Variants in LAMA3 observed in about 807,000 individuals in gnomAD.
LAMA3 encodes the protein laminin subunit alpha-3.
LAMA3 carries 281 observed loss-of-function variants against 402.0 expected under a neutral mutation model. That is an observed-to-expected ratio of 0.70 (90% CI 0.63 to 0.77). The LOEUF (loss-of-function observed/expected upper bound fraction) is 0.77, where lower values mean the gene tolerates loss of function less well. LAMA3 is among the 30% of genes least tolerant of loss of function. The pLI is 0.00. For missense variants in LAMA3, 3,840 were observed against 4,215.5 expected (o/e 0.91, Z 2.47); for synonymous variants, 1,431 against 1,558.4 (o/e 0.92, Z 1.93).
intron 7 of LAMA3, among the ~76,000 whole-genome samples, chr18:23,761,214 C>G (rs1384462922): frequency 6.6e-6 from 1 of 152,026 alleles, no homozygotes; most frequent in African/African-American, 2.4e-5. Flanking sequence ...AGTTTTGTTC[C>G]AAGTGTTTGT....
chr18:23,842,270 T>C, intron 27 of LAMA3, 125 bp from the exon 28 acceptor site: 1 of 1,227,596 alleles, frequency 8.1e-7, no homozygotes, highest in Non-Finnish European at 1.2e-6. Context: ...TGGGTTGTCA[T>C]TTCACTTTGG....
At chr18:23,699,777 T>C (rs2060757869) in intron 1 of LAMA3, among the ~76,000 whole-genome samples, 1 of 152,154 alleles carries the variant, frequency 6.6e-6, no homozygotes, top group Non-Finnish European at 1.5e-5. Context: ...AGACTCCATC[T>C]TGAGTGACAG....
chr18:23,861,270 T>A (rs2064212943), intron 34 of LAMA3, among the ~76,000 whole-genome samples: 1 of 152,204 alleles, frequency 6.6e-6, no homozygotes. Flanking sequence ...AGCAGGCCAC[T>A]GAATTCCACA....
At chr18:23,851,958 A>T (rs1421710353) in intron 32 of LAMA3, among the ~76,000 whole-genome samples, 1 of 109,424 alleles carries the variant, frequency 9.1e-6, no homozygotes, top group Non-Finnish European at 1.6e-5. Context: ...CCTTTGGGTT[A>T]AAAAAAAAAA....
At position 23,920,854 on chromosome 18, in the gene LAMA3, T is replaced by C. The variant is rs910795891; in HGVS notation, c.7924-81T>C. 6.4e-6 allele frequency: 10 copies of C among 1,552,512 alleles called. No homozygotes were observed. The Admixed American group carries it at 1.7e-4, about 26-fold the overall frequency. ...AGCTGAAGCTGAGAGCAGGGGGGTC[T>C]GTGAGAGTAACGGGAGTTCCAGTGC... On this transcript the variant is annotated intron_variant, in intron 60 of 74. Transcript: ENST00000313654.
chr18:23,690,026 G>A, intron 1 of LAMA3, 49 bp downstream of exon 1: 1 of 1,327,084 alleles, frequency 7.5e-7, no homozygotes. Flanking sequence ...TCCTTCCCGC[G>A]CCGGCCAGAC....
intron 66 of LAMA3, chr18:23,932,531 A>C: frequency 2.3e-6 from 1 of 440,072 alleles, no homozygotes. Flanking sequence ...AAAAGACCTA[A>C]TTAAAATTAA....
rs766820551 is a variant in LAMA3, at chr18:23,713,885, C to CA, written c.295-29dup. The stretch of plus-strand genomic sequence containing the variant: ...TACTTGAAAGTAAAAAAATAAAAAA[C>CA]AAAAAACAAAAAAAACCCACTTTTT... On this transcript the variant is annotated intron_variant, in intron 1 of 74. Coordinates refer to ENST00000313654, the MANE Select transcript of LAMA3 (RefSeq NM_198129.4). The CA allele has an allele frequency of 6.3e-6, 10 of 1,592,370 alleles. No individual in the cohort carries two copies. The African/African-American group carries it at 1.2e-4, about 20-fold the overall frequency.
At chr18:23,750,838 G>C in intron 4 of LAMA3, 80 bp from the exon 5 acceptor site, 2 of 1,480,266 alleles carry the variant, frequency 1.4e-6, no homozygotes, top group Non-Finnish European at 1.9e-6. Flanking sequence ...CTTGGGGCAT[G>C]TGAGTTATTT....
chr18:23,868,090 C>A (rs932099191), intron 37 of LAMA3, among the ~76,000 whole-genome samples, 173 bp downstream of exon 37: 2 of 151,960 alleles, frequency 1.3e-5, no homozygotes, highest in Admixed American at 6.6e-5. Context: ...TCCAAAATGC[C>A]CCAAAACGCA....
chr18:23,693,720 G>T (rs1020663498), intron 1 of LAMA3, among the ~76,000 whole-genome samples: 1 of 152,018 alleles, frequency 6.6e-6, no homozygotes, highest in Non-Finnish European at 1.5e-5. Flanking sequence ...ATAATATTTT[G>T]GGGGGAGATT....
chr18:23,935,989 A>G (rs1399890202), intron 67 of LAMA3, among the ~76,000 whole-genome samples: 2 of 151,932 alleles, frequency 1.3e-5, no homozygotes, highest in Admixed American at 1.3e-4. Context: ...GCTGGGACTC[A>G]CGGGTGCAAG....
Position 23,750,958 on chromosome 18 carries a change from A to G in LAMA3, c.725A>G (p.Asn242Ser). Reference protein sequence around the residue: ...SLINGRPGAKNFTFSHTLREF... With the variant: ...SLINGRPGAKSFTFSHTLREF... ...ATAAACGGTCGTCCAGGTGCAAAAA[A>G]TTTTACTTTCTCTCACACCCTGAGG... is the stretch of plus-strand genomic sequence containing the variant. The change falls in exon 5 of 75, where the codon AAT (asparagine) becomes AGT (serine). Residue 242 changes from asparagine to serine, a missense_variant. Physicochemically the swap from Asn to Ser is conservative, Grantham distance 46. Transcript: ENST00000313654. 6.2e-7 allele frequency: 1 copy of G among 1,613,994 alleles called. No homozygotes were observed. Among genetic ancestry groups the G allele is most frequent in the Non-Finnish European group, 8.5e-7 (1 of 1,179,992 alleles).
chr18:23,953,800 G>A (rs1240896798), intron 74 of LAMA3, among the ~76,000 whole-genome samples: 1 of 152,216 alleles, frequency 6.6e-6, no homozygotes, highest in Non-Finnish European at 1.5e-5. Flanking sequence ...ACCGGACTGG[G>A]AGAATCAGGT....
At chr18:23,792,411 G>A (rs1193642164) in intron 12 of LAMA3, among the ~76,000 whole-genome samples, 3 of 152,162 alleles carry the variant, frequency 2.0e-5, no homozygotes, top group Non-Finnish European at 4.4e-5. Context: ...GAGACAGGAT[G>A]CAAGAGAGAG....
intron 67 of LAMA3, among the ~76,000 whole-genome samples, chr18:23,935,453 CT>C (rs1178831657): frequency 6.6e-6 from 1 of 152,176 alleles, no homozygotes; most frequent in Non-Finnish European, 1.5e-5. Context: ...TCATTTCCCC[CT>C]GTTTTGCGTA....
intron 14 of LAMA3, 56 bp downstream of exon 14, chr18:23,813,159 A>G (rs2144312267): frequency 1.7e-6 from 2 of 1,178,652 alleles, no homozygotes; most frequent in South Asian, 2.4e-5. Context: ...TCTCATGCAT[A>G]TTAAGGACTA....
chr18:23,758,377 A>C lies in LAMA3; in HGVS notation c.948-19A>C, dbSNP rs1461826196. 1 of 1,597,464 alleles carries C rather than the reference A, an allele frequency of 6.3e-7. No homozygotes were observed. The highest frequency in any genetic ancestry group is 8.6e-7 in the Non-Finnish European group (1 of 1,166,000). ...CAAAACTTTTCAATAACTGAGATGC[A>C]CTTCGCCCACATGCCCAGGTTTCGG... On this transcript the variant is annotated intron_variant, in intron 6 of 74. Transcript: ENST00000313654.
intron 12 of LAMA3, among the ~76,000 whole-genome samples, chr18:23,786,407 G>GCT (rs2062546369): frequency 1.3e-5 from 2 of 152,172 alleles, no homozygotes; most frequent in Admixed American, 1.3e-4. Flanking sequence ...AAGAGGACCA[G>GCT]CTCTCTCTTA....
Sources: allele counts gnomAD v4.1 joint callset (sites outside exome capture counted in the v4.1 genomes callset), GRCh38; gene constraint gnomAD v4.1.1; transcripts MANE v1.5; gene names NCBI Gene and HGNC (gene_info 2026-07-23, HGNC 2026-07-21).